The following PLCB4 variants were observed in gnomAD, a reference collection of about 807,000 sequenced individuals.
The protein encoded by PLCB4 is phospholipase C beta 4.
A neutral mutation model predicts 178.8 loss-of-function variants in PLCB4; 77 were observed. That is an observed-to-expected ratio of 0.43 (90% CI 0.36 to 0.52). The LOEUF (loss-of-function observed/expected upper bound fraction) is 0.52. Ranked by LOEUF, PLCB4 falls within the 20% of genes least tolerant of loss-of-function variation. PLCB4 has a pLI of 0.00. For missense variants in PLCB4, 1,024 were observed against 1,453.4 expected (o/e 0.70, Z 4.80); for synonymous variants, 496 against 490.8 (o/e 1.01, Z -0.14).
At chr20:9,349,846 A>G (rs1268445262) in intron 7 of PLCB4, among the ~76,000 whole-genome samples, 1 of 152,238 alleles carries the variant, frequency 6.6e-6, no homozygotes, top group Non-Finnish European at 1.5e-5. Flanking sequence ...CCCAGTTTCC[A>G]GTGCCAGCAA....
intron 2 of PLCB4, among the ~76,000 whole-genome samples, chr20:9,102,178 C>T (rs2091183140): frequency 6.6e-6 from 1 of 152,132 alleles, no homozygotes. Context: ...TTTTAATCCT[C>T]TTGGATCACT....
intron 1 of PLCB4, among the ~76,000 whole-genome samples, chr20:9,092,800 CAGGAAATG>C (rs1406149082): frequency 2.0e-5 from 3 of 152,048 alleles, no homozygotes; most frequent in Non-Finnish European, 2.9e-5. Context: ...GAGCTATTTC[CAGGAAATG>C]AGGGATTGGG....
intron 10 of PLCB4, among the ~76,000 whole-genome samples, 158 bp downstream of exon 10, chr20:9,371,453 C>T (rs1316656339): frequency 4.6e-5 from 7 of 151,828 alleles, no homozygotes; most frequent in Admixed American, 4.6e-4. Flanking sequence ...CTTTCTTCTT[C>T]CTCCCTCTCC....
At chr20:9,365,358 C>A (rs2148254866) in intron 8 of PLCB4, 103 bp from the exon 9 acceptor site, 3 of 703,318 alleles carry the variant, frequency 4.3e-6, no homozygotes, top group East Asian at 2.7e-5. Context: ...TTTTCAGAAC[C>A]AATGTTCTTG....
intron 7 of PLCB4, among the ~76,000 whole-genome samples, chr20:9,346,125 T>A (rs2033772418): frequency 6.6e-6 from 1 of 152,220 alleles, no homozygotes; most frequent in African/African-American, 2.4e-5. Context: ...TTAGAAAGGC[T>A]ATTGCATTTC....
chr20:9,153,363 C>T (rs1379106062), intron 2 of PLCB4, among the ~76,000 whole-genome samples: 1 of 152,106 alleles, frequency 6.6e-6, no homozygotes, highest in Non-Finnish European at 1.5e-5. Flanking sequence ...GTGGGAGTGT[C>T]CCAGGGGGAG....
At chr20:9,321,597 C>T (rs1318651408) in intron 4 of PLCB4, among the ~76,000 whole-genome samples, 1 of 152,034 alleles carries the variant, frequency 6.6e-6, no homozygotes, top group East Asian at 1.9e-4. Context: ...CCACATTCCC[C>T]AAGGAAAGTG....
At chr20:9,329,384 G>T (rs2031278683) in intron 4 of PLCB4, among the ~76,000 whole-genome samples, 1 of 152,148 alleles carries the variant, frequency 6.6e-6, no homozygotes, top group South Asian at 2.1e-4. Context: ...AATAAAAATG[G>T]TACCTCCCTC....
At chr20:9,095,856 G>A (rs1039160033) in intron 1 of PLCB4, among the ~76,000 whole-genome samples, 1 of 152,104 alleles carries the variant, frequency 6.6e-6, no homozygotes, top group Admixed American at 6.6e-5. Context: ...TACCTACACA[G>A]CCCATCACAA....
At chr20:9,374,218 C>G (rs993586724) in intron 12 of PLCB4, among the ~76,000 whole-genome samples, 1 of 152,112 alleles carries the variant, frequency 6.6e-6, no homozygotes, top group African/African-American at 2.4e-5. Context: ...AGAGAAAATC[C>G]TACCCCACAT....
rs1349243694 is a variant in PLCB4, at chr20:9,135,642, G to A, written c.-79+39300G>A. ...TCCAATAGATGTTTATGCAAGGTTTGTGAGTTTTAAAATGATTGGTTATAT... is the reference window on the plus strand; with the variant it reads ...TCCAATAGATGTTTATGCAAGGTTTATGAGTTTTAAAATGATTGGTTATAT... On this transcript the variant is annotated intron_variant, in intron 2 of 39. Transcript: ENST00000378473. 2.0e-5 allele frequency among the ~76,000 whole-genome samples: 3 copies of A among 152,088 alleles called. No individual in the cohort carries two copies. The East Asian group carries it at 5.8e-4, about 29-fold the overall frequency.
chr20:9,387,293 A>C (rs2037760307), intron 14 of PLCB4, among the ~76,000 whole-genome samples, 170 bp from the exon 15 acceptor site: 1 of 152,214 alleles, frequency 6.6e-6, no homozygotes, highest in Admixed American at 6.5e-5. Flanking sequence ...CAACCAGATG[A>C]GGAATATAAT....
chr20:9,344,948 C>T (rs559025021), intron 7 of PLCB4, among the ~76,000 whole-genome samples: 1 of 152,308 alleles, frequency 6.6e-6, no homozygotes, highest in South Asian at 2.1e-4. Context: ...AAACCTAGTA[C>T]ACCTTTCGCT....
At position 9,365,587 on chromosome 20, in the gene PLCB4, T is replaced by C. The variant is rs941202131; in HGVS notation, c.503+73T>C. The C allele has an allele frequency of 9.7e-6, 8 of 825,090 alleles. No homozygotes were observed. In the Admixed American group the frequency reaches 1.7e-4, roughly 17 times the overall value. 51.1% of individuals were successfully genotyped at this position (825,090 alleles called of 1,614,324 possible). On this transcript the variant is annotated intron_variant, in intron 9 of 39. Transcript: ENST00000378473. Reference sequence around the variant, plus strand: ...TCATCCCAAACCAAAGAGAGAACCCTTCACAAGTATTTGTGTGTTAAATGC... The same window carrying C: ...TCATCCCAAACCAAAGAGAGAACCCCTCACAAGTATTTGTGTGTTAAATGC...
chr20:9,401,129 C>T (rs2038992158), intron 19 of PLCB4, among the ~76,000 whole-genome samples: 1 of 152,100 alleles, frequency 6.6e-6, no homozygotes. Context: ...CATGAAAGAT[C>T]AAAACACCTT....
intron 28 of PLCB4, among the ~76,000 whole-genome samples, chr20:9,426,239 G>T (rs1201870562): frequency 6.6e-6 from 1 of 152,116 alleles, no homozygotes; most frequent in Non-Finnish European, 1.5e-5. Context: ...TGCATAGCAG[G>T]TTTATTCTAT....
rs533175067 is a variant in PLCB4 at position 9,422,602 on chromosome 20, A to ATACCCAT, written c.2320-1140_2320-1139insTTACCCA. Among the ~76,000 whole-genome samples, 872 of 152,354 alleles carry ATACCCAT rather than the reference A, an allele frequency of 5.7e-3. 7 individuals carry two copies. The highest frequency in any genetic ancestry group is 0.02 in the African/African-American group (829 of 41,578). ...TTCTTTGTTTTGGATGAATGAGAAA[A>ATACCCAT]TACCCAGCTTAGTGTTTATATATAA... On this transcript the variant is annotated intron_variant, in intron 27 of 39. Coordinates refer to ENST00000378473, the MANE Select transcript of PLCB4 (RefSeq NM_001377142.1).
chr20:9,162,127 G>A (rs1245414914), intron 2 of PLCB4, among the ~76,000 whole-genome samples: 1 of 152,004 alleles, frequency 6.6e-6, no homozygotes, highest in Non-Finnish European at 1.5e-5. Flanking sequence ...AGATGGAATT[G>A]GCAGTGTTTA....
intron 3 of PLCB4, among the ~76,000 whole-genome samples, chr20:9,257,360 A>G (rs2094247061): frequency 6.6e-6 from 1 of 152,218 alleles, no homozygotes; most frequent in South Asian, 2.1e-4. Flanking sequence ...TAAGCTTTAA[A>G]TGTGAGTGAA....
Sources: gnomAD v4.1 joint callset for allele counts (sites outside exome capture counted in the v4.1 genomes callset) on GRCh38, gnomAD v4.1.1 for gene constraint, MANE v1.5 for transcripts, NCBI Gene and HGNC (gene_info 2026-07-23, HGNC 2026-07-21) for gene names.